NRG3: variants seen among roughly 807,000 people sequenced by gnomAD.
NRG3 encodes the protein pro-neuregulin-3, membrane-bound isoform.
Under a neutral mutation model 66.9 loss-of-function variants are expected in NRG3, and 31 were observed. The ratio of observed to expected loss-of-function variants is 0.46; its 90% CI spans 0.35 to 0.63. The LOEUF is 0.63. NRG3 is among the 20% of genes least tolerant of loss of function. The pLI is 0.00. For missense variants in NRG3, 910 were observed against 878.9 expected (o/e 1.04, Z -0.45); for synonymous variants, 393 against 359.4 (o/e 1.09, Z -1.06).
At chr10:82,762,119 T>A (rs947037113) in intron 3 of NRG3, among the ~76,000 whole-genome samples, 1 of 151,622 alleles carries the variant, frequency 6.6e-6, no homozygotes, top group Non-Finnish European at 1.5e-5. Context: ...AGTGGTGCAA[T>A]CACAGCTCAC....
chr10:82,341,990 T>C (rs1043334689), intron 1 of NRG3, among the ~76,000 whole-genome samples: 3 of 151,984 alleles, frequency 2.0e-5, no homozygotes, highest in Non-Finnish European at 4.4e-5. Context: ...TTGAGAGTCC[T>C]AGATTTCATA....
At chr10:82,678,311 G>A (rs931504657) in intron 2 of NRG3, among the ~76,000 whole-genome samples, 2 of 152,082 alleles carry the variant, frequency 1.3e-5, no homozygotes, top group African/African-American at 4.8e-5. Context: ...ATAGGGGTGG[G>A]ACCGTTTTAT....
At chr10:82,370,562 C>G (rs1213960627) in intron 2 of NRG3, among the ~76,000 whole-genome samples, 1 of 104,948 alleles carries the variant, frequency 9.5e-6, no homozygotes, top group African/African-American at 8.5e-5. Context: ...GGCATCTAGG[C>G]TTAAAGGTGG....
chr10:81,987,920 C>A (rs995112557), intron 1 of NRG3, among the ~76,000 whole-genome samples: 1 of 152,120 alleles, frequency 6.6e-6, no homozygotes, highest in Non-Finnish European at 1.5e-5. Flanking sequence ...TTTCTACCAT[C>A]CTAGCATTCT....
At chr10:82,421,249 T>C (rs1214826871) in intron 2 of NRG3, among the ~76,000 whole-genome samples, 1 of 152,158 alleles carries the variant, frequency 6.6e-6, no homozygotes, top group Non-Finnish European at 1.5e-5. Context: ...CATAACATCA[T>C]GCTTGGTTTT....
At chr10:82,925,494 G>C (rs776492179) in intron 4 of NRG3, among the ~76,000 whole-genome samples, 2 of 152,208 alleles carry the variant, frequency 1.3e-5, no homozygotes, top group Non-Finnish European at 2.9e-5. Flanking sequence ...AAATATTCAT[G>C]TTGTAGTTGT....
intron 1 of NRG3, among the ~76,000 whole-genome samples, chr10:82,038,924 T>G (rs2062912203): frequency 1.3e-5 from 2 of 152,118 alleles, no homozygotes; most frequent in African/African-American, 4.8e-5. Context: ...AGGCCATGTA[T>G]TCTATTTTCA....
chr10:82,413,911 T>C (rs556373594), intron 2 of NRG3, among the ~76,000 whole-genome samples: 1 of 152,316 alleles, frequency 6.6e-6, no homozygotes, highest in South Asian at 2.1e-4. Context: ...TTCTTGTGGA[T>C]AAAGCTTTGG....
intron 4 of NRG3, among the ~76,000 whole-genome samples, chr10:82,878,045 A>C (rs1336159421): frequency 6.6e-6 from 1 of 152,190 alleles, no homozygotes; most frequent in African/African-American, 2.4e-5. Flanking sequence ...CAGAGGAAGG[A>C]GCACCCACAT....
intron 2 of NRG3, among the ~76,000 whole-genome samples, chr10:82,658,106 C>T (rs969025087): frequency 9.2e-5 from 14 of 151,990 alleles, no homozygotes; most frequent in Admixed American, 7.2e-4. Context: ...AAAATAAAAA[C>T]ATAAACCAAT....
chr10:82,821,831 A>G (rs1031403260), intron 3 of NRG3, among the ~76,000 whole-genome samples: 2 of 152,176 alleles, frequency 1.3e-5, no homozygotes, highest in Non-Finnish European at 2.9e-5. Flanking sequence ...CAAAATACAT[A>G]AAAAGGCTGA....
intron 1 of NRG3, among the ~76,000 whole-genome samples, chr10:82,163,678 A>G (rs1182251847): frequency 6.6e-6 from 1 of 152,154 alleles, no homozygotes; most frequent in Admixed American, 6.6e-5. Flanking sequence ...AGGAGGAGCA[A>G]TCTAGGCAAT....
chr10:82,194,063 C>T (rs1589271740), intron 1 of NRG3, among the ~76,000 whole-genome samples: 1 of 152,084 alleles, frequency 6.6e-6, no homozygotes, highest in Non-Finnish European at 1.5e-5. Flanking sequence ...CCAAGAGAAC[C>T]TTTACCAAGA....
chr10:82,800,986 A>G (rs1244752998), intron 3 of NRG3, among the ~76,000 whole-genome samples: 5 of 152,290 alleles, frequency 3.3e-5, no homozygotes, highest in Middle Eastern at 3.4e-3. Context: ...GAAAGAATTG[A>G]ATTCTTCTTT....
chr10:82,785,916 TG>T (rs1248966483), intron 3 of NRG3, among the ~76,000 whole-genome samples: 1 of 152,116 alleles, frequency 6.6e-6, no homozygotes, highest in African/African-American at 2.4e-5. Flanking sequence ...GTCAAGACAA[TG>T]GGAGAATGAT....
chr10:82,182,575 A>G (rs891414034), intron 1 of NRG3, among the ~76,000 whole-genome samples: 9 of 151,852 alleles, frequency 5.9e-5, no homozygotes, highest in African/African-American at 2.2e-4. Context: ...ACATCTTTTT[A>G]TGTTGTGTAT....
intron 1 of NRG3, among the ~76,000 whole-genome samples, chr10:82,201,692 A>C (rs1026970062): frequency 6.6e-6 from 1 of 152,154 alleles, no homozygotes; most frequent in Non-Finnish European, 1.5e-5. Flanking sequence ...AGACATTGTA[A>C]AATTAACCAG....
chr10:82,793,277 C>T (rs2135386722), intron 3 of NRG3, among the ~76,000 whole-genome samples: 1 of 152,170 alleles, frequency 6.6e-6, no homozygotes, highest in Admixed American at 6.5e-5. Flanking sequence ...TTTCATTTTA[C>T]TTTTCCTCTC....
At chr10:82,626,106 G>A (rs981763717) in intron 2 of NRG3, among the ~76,000 whole-genome samples, 1 of 152,032 alleles carries the variant, frequency 6.6e-6, no homozygotes, top group African/African-American at 2.4e-5. Context: ...TTACACTCAG[G>A]GACCCTCATC....
Sources: allele counts gnomAD v4.1 joint callset (sites outside exome capture counted in the v4.1 genomes callset), GRCh38; gene constraint gnomAD v4.1.1; transcripts MANE v1.5; gene names NCBI Gene and HGNC (gene_info 2026-07-23, HGNC 2026-07-21).